The following GNG7 variants were observed in gnomAD, a reference collection of about 807,000 sequenced individuals.
GNG7 encodes the protein G protein subunit gamma 7, also known as guanine nucleotide-binding protein G(I)/G(S)/G(O) subunit gamma-7.
In GNG7, 1 loss-of-function variant was observed where a neutral mutation model predicts 4.0. That is an observed-to-expected ratio of 0.25 (90% confidence interval 0.09 to 1.18). The LOEUF (loss-of-function observed/expected upper bound fraction) is 1.18. Among genes scored for constraint, GNG7 ranks in the 50% most tolerant of loss-of-function variants. The pLI, the probability that GNG7 is intolerant of heterozygous loss-of-function variation, is 0.50. For missense variants in GNG7, 86 were observed against 91.9 expected (o/e 0.94, Z 0.26); for synonymous variants, 34 against 36.9 (o/e 0.92, Z 0.29).
In GNG7 at chr19:2,513,555, T is replaced by A. The variant is rs1972685522; in HGVS notation, c.*1467A>T. On this transcript the variant is annotated 3_prime_UTR_variant, in exon 5 of 5. Transcript: ENST00000382159. Reference sequence around the variant, plus strand: ...GACATCTTCGATTTCCACTTGCCGCTGGGAGGAGTGGCCCATCCTGCGTCT... The same window carrying A: ...GACATCTTCGATTTCCACTTGCCGCAGGGAGGAGTGGCCCATCCTGCGTCT... 3 of 985,354 alleles carry A rather than the reference T, an allele frequency of 3.0e-6. No individual in the cohort carries two copies. The highest frequency in any genetic ancestry group is 1.1e-4 in the East Asian group (1 of 8,822). The allele number at this position is 985,354 out of a possible 1,614,324, so 61.0% of individuals were successfully genotyped here.
chr19:2,696,576 A>AT (rs1227220201), intron 1 of GNG7, among the ~76,000 whole-genome samples: 2 of 152,198 alleles, frequency 1.3e-5, no homozygotes, highest in African/African-American at 4.8e-5. Context: ...GTGTTGCTGA[A>AT]TGGATGGATG....
intron 2 of GNG7, among the ~76,000 whole-genome samples, chr19:2,578,650 C>G (rs1980412167): frequency 6.6e-6 from 1 of 152,214 alleles, no homozygotes; most frequent in African/African-American, 2.4e-5. Context: ...CTCTCCCCCT[C>G]AGCCCTGTGG....
At chr19:2,536,226 G>A (rs1171147254) in intron 3 of GNG7, among the ~76,000 whole-genome samples, 2 of 152,022 alleles carry the variant, frequency 1.3e-5, no homozygotes, top group African/African-American at 4.8e-5. Flanking sequence ...GACCAGCCTG[G>A]CCAACATGAT....
chr19:2,667,563 C>T (rs1414260160), intron 1 of GNG7, among the ~76,000 whole-genome samples: 1 of 152,054 alleles, frequency 6.6e-6, no homozygotes, highest in Non-Finnish European at 1.5e-5. Flanking sequence ...AGGATCACTT[C>T]AGGCCAGGAG....
chr19:2,624,462 C>T (rs1415621300), intron 2 of GNG7, among the ~76,000 whole-genome samples: 8 of 140,200 alleles, frequency 5.7e-5, no homozygotes, highest in African/African-American at 2.2e-4. Context: ...ACCCGGGAGG[C>T]GGAGCTTGCA....
At chr19:2,550,768 G>A (rs1439667774) in intron 3 of GNG7, among the ~76,000 whole-genome samples, 1 of 152,170 alleles carries the variant, frequency 6.6e-6, no homozygotes, top group African/African-American at 2.4e-5. Flanking sequence ...CTATAAAATG[G>A]GGACAATGAG....
At chr19:2,537,603 A>G (rs1267663811) in intron 3 of GNG7, among the ~76,000 whole-genome samples, 1 of 151,998 alleles carries the variant, frequency 6.6e-6, no homozygotes, top group African/African-American at 2.4e-5. Context: ...AACATATAAT[A>G]CACTGAGCAT....
intron 2 of GNG7, among the ~76,000 whole-genome samples, chr19:2,620,888 T>G (rs1229458169): frequency 6.6e-6 from 1 of 152,196 alleles, no homozygotes; most frequent in Admixed American, 6.5e-5. Flanking sequence ...CCTTTGAGGC[T>G]GGGTTCTGTG....
intron 2 of GNG7, among the ~76,000 whole-genome samples, chr19:2,637,216 C>CCA (rs1024537664): frequency 7.3e-5 from 11 of 150,938 alleles, no homozygotes; most frequent in Admixed American, 6.6e-5. Flanking sequence ...ACAGGCTCCC[C>CCA]CCGCCCCCGA....
At chr19:2,564,681 A>T (rs2144772955) in intron 2 of GNG7, among the ~76,000 whole-genome samples, 1 of 151,936 alleles carries the variant, frequency 6.6e-6, no homozygotes, top group South Asian at 2.1e-4. Context: ...CACAAGCCAG[A>T]CTCCTAGAGC....
intron 2 of GNG7, among the ~76,000 whole-genome samples, chr19:2,558,688 G>T (rs1433200999): frequency 6.6e-6 from 1 of 152,052 alleles, no homozygotes; most frequent in Non-Finnish European, 1.5e-5. Context: ...TCTGTAAAAT[G>T]AAGTTATATA....
chr19:2,661,315 A>G (rs1218222247), intron 1 of GNG7, among the ~76,000 whole-genome samples: 2 of 142,022 alleles, frequency 1.4e-5, no homozygotes, highest in Admixed American at 7.0e-5. Context: ...AAAGAAAGAA[A>G]GAAAGAAAGA....
chr19:2,612,687 TTTTTTTTTTTTTTTGAGAAA>T (rs1234644458), intron 2 of GNG7, among the ~76,000 whole-genome samples: 2 of 115,998 alleles, frequency 1.7e-5, no homozygotes, highest in African/African-American at 8.9e-5. Context: ...CAGCTTAGAA[TTTTTTTTTTTTTTTGAGAAA>T]TTTTTTTTTT....
chr19:2,552,003 G>T (rs773100068), intron 3 of GNG7, among the ~76,000 whole-genome samples: 4 of 152,072 alleles, frequency 2.6e-5, no homozygotes, highest in Non-Finnish European at 4.4e-5. Flanking sequence ...GTTCACAGCT[G>T]CCCCCCAACG....
At chr19:2,645,945 C>G (rs1982653718) in intron 2 of GNG7, among the ~76,000 whole-genome samples, 1 of 152,148 alleles carries the variant, frequency 6.6e-6, no homozygotes, top group Admixed American at 6.6e-5. Flanking sequence ...TGCAGCACCG[C>G]TGTGGGCTTC....
Position 2,614,921 on chromosome 19 carries a change from G to A in GNG7, c.-78+31303C>T, listed in dbSNP as rs1039899142. ...ACACATCAATTCTCAATGCCAAGGC[G>A]TTCCTCAGCTTTTAAACAAGGCACT... On this transcript the variant is annotated intron_variant, in intron 2 of 4. Coordinates refer to ENST00000382159, the MANE Select transcript of GNG7 (RefSeq NM_052847.3). The surrounding 1 kb of genome is among the most constrained non-coding windows in gnomAD (Gnocchi z 6.0). Among the ~76,000 whole-genome samples the A allele has an allele frequency of 2.0e-5, 3 of 152,180 alleles. No individual in the cohort carries two copies. The highest frequency in any genetic ancestry group is 4.4e-5 in the Non-Finnish European group (3 of 68,038).
intron 2 of GNG7, among the ~76,000 whole-genome samples, chr19:2,615,225 G>A (rs982060694): frequency 1.3e-5 from 2 of 149,286 alleles, no homozygotes; most frequent in South Asian, 2.1e-4. Context: ...GCAGTGGCGC[G>A]ATCTCGGCTC....
intron 4 of GNG7, among the ~76,000 whole-genome samples, chr19:2,517,978 T>A (rs1253718128): frequency 6.6e-6 from 1 of 152,160 alleles, no homozygotes; most frequent in African/African-American, 2.4e-5. Flanking sequence ...CTGCGGCCTG[T>A]GATGACTCGG....
rs563012084 is a variant in GNG7, at chr19:2,596,569, T to G, written c.-77-41381A>C. Among the ~76,000 whole-genome samples, 558 of 151,868 alleles carry G rather than the reference T, an allele frequency of 3.7e-3. 4 individuals carry two copies. Among genetic ancestry groups the G allele is most frequent in the African/African-American group, 0.013 (527 of 41,394 alleles). ...CTGTGGTCCCAGCTACTCAGGAGGT[T>G]GAGGTGGGAGGATCGCTTGAGTCCA... On this transcript the variant is annotated intron_variant, in intron 2 of 4. Coordinates refer to ENST00000382159, the MANE Select transcript of GNG7 (RefSeq NM_052847.3).
Sources: allele counts gnomAD v4.1 joint callset (sites outside exome capture counted in the v4.1 genomes callset), GRCh38; gene constraint gnomAD v4.1.1; non-coding constraint Gnocchi (gnomAD v3.1); transcripts MANE v1.5; gene names NCBI Gene and HGNC (gene_info 2026-07-23, HGNC 2026-07-21).